Variants in STK33 observed in about 807,000 individuals in gnomAD.
STK33 encodes serine/threonine-protein kinase 33.
STK33 carries 52 observed loss-of-function variants against 58.0 expected under a neutral mutation model. That is an observed-to-expected ratio of 0.90 (90% confidence interval 0.72 to 1.13). The LOEUF (loss-of-function observed/expected upper bound fraction) is 1.13. Among genes scored for constraint, STK33 ranks in the 50% most tolerant of loss-of-function variants. The pLI is 0.00. For synonymous variants in STK33, 215 were observed against 200.1 expected (o/e 1.07, Z -0.63); for missense variants, 630 against 604.2 (o/e 1.04, Z -0.45).
intron 1 of STK33, among the ~76,000 whole-genome samples, chr11:8,502,939 C>A (rs1591516656): frequency 6.6e-6 from 1 of 152,132 alleles, no homozygotes; most frequent in African/African-American, 2.4e-5. Context: ...CCATTTCATA[C>A]CAGTCAGAAT....
chr11:8,435,534 C>A lies in STK33; in HGVS notation c.1106G>T (p.Arg369Ile). The A allele has an allele frequency of 6.6e-7, 1 of 1,522,554 alleles. No homozygotes were observed. Among genetic ancestry groups the A allele is most frequent in the Non-Finnish European group, 8.9e-7 (1 of 1,126,728 alleles). 94.3% of individuals were successfully genotyped at this position (1,522,554 alleles called of 1,614,324 possible). ...KQLMKVDPAH[R>I]ITAKELLDNQ... ...ATCTAGTAGTTCCTTAGCTGTGATT[C>A]TGTGAGCAGGATCTACTTTCATAAG... is the stretch of plus-strand genomic sequence containing the variant. Residue 369 changes from arginine to isoleucine, a missense_variant, in exon 14 of 16, where the codon AGA becomes ATA. Arg to Ile is a moderately conservative substitution (Grantham distance 97, BLOSUM62 -3). Coordinates refer to ENST00000687296, the MANE Select transcript of STK33 (RefSeq NM_001352389.2).
chr11:8,435,493 C>T lies in STK33; in HGVS notation c.1146+1G>A, dbSNP rs752619967. 4.9e-6 allele frequency: 7 copies of T among 1,418,990 alleles called. No homozygotes were observed. In the South Asian group the frequency reaches 5.3e-5, roughly 11 times the overall value. 87.9% of individuals were successfully genotyped at this position (1,418,990 alleles called of 1,614,324 possible). ...AAGAAAAAAGTAATATTGTAACTTA[C>T]TGTTAACCACTGGTTATCTAGTAGT... On this transcript the variant is annotated splice_donor_variant, in intron 14 of 15. Coordinates refer to ENST00000687296, the MANE Select transcript of STK33 (RefSeq NM_001352389.2). LOFTEE classifies it high-confidence loss of function.
chr11:8,341,775 C>T, the STK33 span, among the ~76,000 whole-genome samples: 1 of 152,224 alleles, frequency 6.6e-6, no homozygotes, highest in Non-Finnish European at 1.5e-5. Context: ...TCAAAAGACA[C>T]ACCACCTCTC....
In STK33 at chr11:8,446,760, G is replaced by C. The variant is rs372265020; in HGVS notation, c.872-6007C>G. Among the ~76,000 whole-genome samples the C allele has an allele frequency of 2.3e-4, 35 of 152,220 alleles. No homozygotes were observed. In the East Asian group the frequency reaches 4.4e-3, roughly 19 times the overall value. On this transcript the variant is annotated intron_variant, in intron 11 of 15. Transcript: ENST00000687296. ...TAAACGATGTTGGGAAAACTGGCTA[G>C]CCATATGCAGAAAACTGAAACTAGA...
At chr11:8,337,161 G>A in the STK33 span, among the ~76,000 whole-genome samples, 1 of 152,200 alleles carries the variant, frequency 6.6e-6, no homozygotes, top group Non-Finnish European at 1.5e-5. Flanking sequence ...TCCTAAGCAG[G>A]CTGATCCTGA....
At chr11:8,342,839 C>T in the STK33 span, among the ~76,000 whole-genome samples, 1 of 152,146 alleles carries the variant, frequency 6.6e-6, no homozygotes. Context: ...ACCTGGCTTT[C>T]CTTGTGCCAG....
intron 1 of STK33, among the ~76,000 whole-genome samples, chr11:8,549,917 AC>A (rs1042811781): frequency 6.6e-6 from 1 of 152,170 alleles, no homozygotes; most frequent in Admixed American, 6.5e-5. Context: ...AAAAAAACCA[AC>A]TTTTAAATTC....
intron 1 of STK33, among the ~76,000 whole-genome samples, chr11:8,545,475 T>C (rs980513668): frequency 2.6e-5 from 4 of 152,192 alleles, no homozygotes; most frequent in Non-Finnish European, 5.9e-5. Context: ...AAATTTAAGA[T>C]TACTAATGTT....
At chr11:8,421,478 T>C (rs907038610) in intron 14 of STK33, among the ~76,000 whole-genome samples, 2 of 152,208 alleles carry the variant, frequency 1.3e-5, no homozygotes, top group African/African-American at 4.8e-5. Context: ...TACTCTGTTT[T>C]ATTCTGTTTG....
At chr11:8,446,742 T>C (rs1238124559) in intron 11 of STK33, among the ~76,000 whole-genome samples, 1 of 152,150 alleles carries the variant, frequency 6.6e-6, no homozygotes, top group South Asian at 2.1e-4. Context: ...TAATAAACGA[T>C]GTTGGGAAAA....
chr11:8,343,421 G>A, the STK33 span, among the ~76,000 whole-genome samples: 14 of 152,234 alleles, frequency 9.2e-5, no homozygotes, highest in Admixed American at 8.5e-4. Flanking sequence ...TTCCTGGCAC[G>A]ATGAGTTCTG....
At chr11:8,476,868 G>T (rs1191662391) in intron 3 of STK33, 117 bp from the exon 4 acceptor site, 2 of 152,136 alleles carry the variant, frequency 1.3e-5, no homozygotes, top group African/African-American at 4.8e-5. Context: ...TTCCCCAAAA[G>T]GGGGATTTAC....
At chr11:8,506,821 C>A (rs1355317061) in intron 1 of STK33, among the ~76,000 whole-genome samples, 3 of 152,240 alleles carry the variant, frequency 2.0e-5, no homozygotes, top group East Asian at 3.9e-4. Flanking sequence ...CACACTTTTA[C>A]CTTTTTAATT....
chr11:8,505,267 C>G (rs1038877227), intron 1 of STK33, among the ~76,000 whole-genome samples: 9 of 152,190 alleles, frequency 5.9e-5, no homozygotes, highest in African/African-American at 2.2e-4. Context: ...CCAAATGAAG[C>G]CACGCAGTCT....
At chr11:8,413,336 A>G (rs1294050942) in intron 15 of STK33, among the ~76,000 whole-genome samples, 159 bp downstream of exon 15, 2 of 152,252 alleles carry the variant, frequency 1.3e-5, no homozygotes, top group African/African-American at 4.8e-5. Flanking sequence ...ACCTCGCTAA[A>G]TCATGCTAGC....
Position 8,553,971 on chromosome 11 carries a change from T to C in STK33, c.-466+40112A>G, listed in dbSNP as rs150967849. Among the ~76,000 whole-genome samples the C allele has an allele frequency of 2.6e-3, 390 of 152,228 alleles. 2 individuals are homozygous for C. The highest frequency in any genetic ancestry group is 4.2e-3 in the Non-Finnish European group (283 of 68,030). On this transcript the variant is annotated intron_variant, in intron 1 of 15. Transcript: ENST00000687296. ...GGATGGCATCCACCTAAAAAGCTTC[T>C]GCAGAGCAAAGGAAACAGATTAACA...
At chr11:8,387,585 T>C (rs1848561040), downstream of STK33, among the ~76,000 whole-genome samples, 1 of 152,242 alleles carries the variant, frequency 6.6e-6, no homozygotes. Flanking sequence ...CTGTAACTGT[T>C]GCTGCTGTTA....
intron 15 of STK33, among the ~76,000 whole-genome samples, chr11:8,402,766 T>C (rs919742093): frequency 2.0e-5 from 3 of 152,222 alleles, no homozygotes; most frequent in African/African-American, 4.8e-5. Flanking sequence ...TCTTAGTTCC[T>C]GGAGTGGGCA....
intron 1 of STK33, among the ~76,000 whole-genome samples, chr11:8,529,805 G>A (rs758256717): frequency 3.3e-5 from 5 of 152,154 alleles, no homozygotes; most frequent in Admixed American, 6.6e-5. Context: ...CAAAAGCCCC[G>A]AGGAAGAACA....
Sources: gnomAD v4.1 joint callset for allele counts (sites outside exome capture counted in the v4.1 genomes callset) on GRCh38, gnomAD v4.1.1 for gene constraint, MANE v1.5 for transcripts, NCBI Gene and HGNC (gene_info 2026-07-23, HGNC 2026-07-21) for gene names.